The following ETS1 variants were observed in gnomAD, a reference collection of about 807,000 sequenced individuals.
ETS1 encodes ETS proto-oncogene 1, transcription factor, also known as protein C-ets-1.
Under a neutral mutation model 58.6 loss-of-function variants are expected in ETS1, and 15 were observed. The observed-to-expected ratio is 0.26, with a 90% CI of 0.17 to 0.39. The LOEUF is 0.39. ETS1 is among the 10% of genes least tolerant of loss of function. The pLI, the probability that ETS1 is intolerant of heterozygous loss-of-function variation, is 1.00. For synonymous variants in ETS1, 214 were observed against 218.2 expected (o/e 0.98, Z 0.17); for missense variants, 417 against 610.5 (o/e 0.68, Z 3.34).
At chr11:128,517,736 A>G (rs1863562770) in intron 3 of ETS1, among the ~76,000 whole-genome samples, 1 of 152,168 alleles carries the variant, frequency 6.6e-6, no homozygotes, top group African/African-American at 2.4e-5. Flanking sequence ...TACACTAACC[A>G]GCTCTCAGTT....
intron 1 of ETS1, among the ~76,000 whole-genome samples, chr11:128,579,428 G>A (rs1272271831): frequency 2.6e-5 from 4 of 152,026 alleles, no homozygotes; most frequent in African/African-American, 4.8e-5. Flanking sequence ...TTGAGAGGCC[G>A]AGGCAGGCGG....
chr11:128,540,280 G>A (rs865798811), intron 3 of ETS1, among the ~76,000 whole-genome samples: 11 of 133,692 alleles, frequency 8.2e-5, no homozygotes, highest in Middle Eastern at 4.8e-3. Context: ...TTGTGCCATT[G>A]TACTACTCCA....
intron 2 of ETS1, among the ~76,000 whole-genome samples, chr11:128,559,282 G>A (rs1168424806): frequency 6.6e-6 from 1 of 152,236 alleles, no homozygotes; most frequent in Non-Finnish European, 1.5e-5. Flanking sequence ...GGAACAATGT[G>A]CAGAGGACAG....
chr11:128,539,294 T>C (rs1864019626), intron 3 of ETS1, among the ~76,000 whole-genome samples: 1 of 152,182 alleles, frequency 6.6e-6, no homozygotes. Flanking sequence ...TATTTGTAAA[T>C]TATATGCCCG....
chr11:128,459,104 A>G lies in ETS1; in HGVS notation c.*3257T>C, dbSNP rs1478756130. ...TCAAACACAATATAACATCTTTTTCATCCCTATACTTCTCAGCTTAAAAAA... is the reference window on the plus strand; with the variant it reads ...TCAAACACAATATAACATCTTTTTCGTCCCTATACTTCTCAGCTTAAAAAA... On this transcript the variant is annotated 3_prime_UTR_variant, in exon 10 of 10. Coordinates refer to ENST00000392668, the MANE Select transcript of ETS1 (RefSeq NM_001143820.2). 1 of 151,702 alleles carries G rather than the reference A, an allele frequency of 6.6e-6. No homozygotes were observed. Among genetic ancestry groups the G allele is most frequent in the Non-Finnish European group, 1.5e-5 (1 of 67,854 alleles). The allele number at this position is 151,702 out of a possible 1,614,324, so 9.4% of individuals were successfully genotyped here.
At chr11:128,568,271 G>A (rs1474607707) in intron 2 of ETS1, among the ~76,000 whole-genome samples, 1 of 152,100 alleles carries the variant, frequency 6.6e-6, no homozygotes, top group Non-Finnish European at 1.5e-5. Flanking sequence ...CCCAGGCTGG[G>A]CCATGTTTAG....
chr11:128,583,283 C>G (rs1864912228), intron 1 of ETS1, among the ~76,000 whole-genome samples: 1 of 152,194 alleles, frequency 6.6e-6, no homozygotes, highest in South Asian at 2.1e-4. Context: ...TGCTGGTAAC[C>G]TCAGGTGCAA....
chr11:128,569,262 T>C (rs987176826), intron 2 of ETS1, among the ~76,000 whole-genome samples: 1 of 151,424 alleles, frequency 6.6e-6, no homozygotes, highest in African/African-American at 2.4e-5. Context: ...AAAACCCCAA[T>C]ACTCTCATGG....
chr11:128,506,069 C>T (rs1458662161), intron 3 of ETS1, among the ~76,000 whole-genome samples: 3 of 152,142 alleles, frequency 2.0e-5, no homozygotes, highest in African/African-American at 7.2e-5. Flanking sequence ...GCTCCAAGCT[C>T]CAGATCAGGA....
At chr11:128,544,255 A>C (rs1864097028) in intron 3 of ETS1, among the ~76,000 whole-genome samples, 1 of 150,726 alleles carries the variant, frequency 6.6e-6, no homozygotes. Context: ...GCATAGAGCA[A>C]ACTGTTTCTT....
rs1353478660 is a variant in ETS1, at chr11:128,461,448, C to T, written c.*913G>A. ...AGTTCAAAGACTTAATGCTTCTTAG[C>T]TCAACATTAAGTCCAAACCCCGAGA... On this transcript the variant is annotated 3_prime_UTR_variant, in exon 10 of 10. Coordinates refer to ENST00000392668, the MANE Select transcript of ETS1 (RefSeq NM_001143820.2). The T allele has an allele frequency of 6.5e-6, 1 of 152,834 alleles. No homozygotes were observed. The highest frequency in any genetic ancestry group is 2.1e-4 in the South Asian group (1 of 4,814). The allele number at this position is 152,834 out of a possible 1,614,324, so 9.5% of individuals were successfully genotyped here.
intron 2 of ETS1, among the ~76,000 whole-genome samples, chr11:128,563,860 G>C (rs1226975452): frequency 6.6e-6 from 1 of 152,198 alleles, no homozygotes; most frequent in Non-Finnish European, 1.5e-5. Context: ...CACCTGGCAG[G>C]TGCTCAATTA....
chr11:128,543,292 A>C (rs1864083514), intron 3 of ETS1, among the ~76,000 whole-genome samples: 1 of 152,202 alleles, frequency 6.6e-6, no homozygotes, highest in South Asian at 2.1e-4. Flanking sequence ...GAAAAGTACT[A>C]GTTCATAGCC....
At chr11:128,518,102 C>T (rs774086134) in intron 3 of ETS1, among the ~76,000 whole-genome samples, 12 of 152,178 alleles carry the variant, frequency 7.9e-5, no homozygotes, top group Non-Finnish European at 1.8e-4. Context: ...ATCTCCATCA[C>T]CCAAAGTAAC....
chr11:128,511,254 A>G (rs1863385930), intron 3 of ETS1, among the ~76,000 whole-genome samples: 1 of 152,236 alleles, frequency 6.6e-6, no homozygotes, highest in South Asian at 2.1e-4. Context: ...AATGTGCCTT[A>G]TAGTTCAGAA....
In ETS1 at chr11:128,459,107, C is replaced by G. The variant is rs1444894014; in HGVS notation, c.*3254G>C. ...AACACAATATAACATCTTTTTCATC[C>G]CTATACTTCTCAGCTTAAAAAAAAA... On this transcript the variant is annotated 3_prime_UTR_variant, in exon 10 of 10. Coordinates refer to ENST00000392668, the MANE Select transcript of ETS1 (RefSeq NM_001143820.2). The G allele has an allele frequency of 1.3e-5, 2 of 150,114 alleles. No individual in the cohort carries two copies. Among genetic ancestry groups the G allele is most frequent in the Admixed American group, 6.7e-5 (1 of 15,036 alleles). The allele number at this position is 150,114 out of a possible 1,614,324, so 9.3% of individuals were successfully genotyped here. A position where few individuals can be genotyped will look rare whatever the true frequency, so the allele number is the denominator to read the frequency against.
intron 3 of ETS1, among the ~76,000 whole-genome samples, chr11:128,515,510 T>C (rs184918318): frequency 6.6e-6 from 1 of 152,304 alleles, no homozygotes; most frequent in East Asian, 1.9e-4. Context: ...TCGTGCCTTA[T>C]TAGCTTACTT....
At chr11:128,584,989 AGG>A (rs1864953001) in intron 1 of ETS1, among the ~76,000 whole-genome samples, 2 of 51,192 alleles carry the variant, frequency 3.9e-5, no homozygotes, top group Non-Finnish European at 7.0e-5. Context: ...AAAGAAAGAA[AGG>A]AAGGAAGGAA....
intron 3 of ETS1, among the ~76,000 whole-genome samples, chr11:128,548,122 A>AAAGGG (rs1864160910): frequency 1.3e-5 from 1 of 77,522 alleles, no homozygotes; most frequent in Non-Finnish European, 2.4e-5. Flanking sequence ...GAAGGAAAGG[A>AAAGGG]AAGGAAAGGA....
Sources: gnomAD v4.1 joint callset for allele counts (sites outside exome capture counted in the v4.1 genomes callset) on GRCh38, gnomAD v4.1.1 for gene constraint, MANE v1.5 for transcripts, NCBI Gene and HGNC (gene_info 2026-07-23, HGNC 2026-07-21) for gene names.